Variants in HTT observed in about 807,000 individuals in gnomAD.
HTT encodes huntingtin.
In HTT, 104 loss-of-function variants were observed where a neutral mutation model predicts 362.3. That is an observed-to-expected ratio of 0.29 (90% CI 0.24 to 0.34). HTT has a LOEUF of 0.34. Among genes scored for constraint, HTT ranks in the 10% least tolerant of loss-of-function variants. HTT has a pLI of 1.00. For missense variants in HTT, 3,301 were observed against 3,928.6 expected (o/e 0.84, Z 4.27); for synonymous variants, 1,577 against 1,548.7 (o/e 1.02, Z -0.43).
chr4:3,217,727 T>C (rs996952695), intron 51 of HTT, 38 bp from the exon 52 acceptor site: 2 of 1,567,786 alleles, frequency 1.3e-6, no homozygotes, highest in Non-Finnish European at 1.7e-6. Flanking sequence ...ATAGGATGTG[T>C]TTTTTAAAAA....
chr4:3,099,809 G>T (rs915525847), intron 3 of HTT, among the ~76,000 whole-genome samples: 5 of 150,838 alleles, frequency 3.3e-5, no homozygotes, highest in African/African-American at 9.8e-5. Context: ...ATGCTCTATT[G>T]TATGGTTTGC....
chr4:3,086,670 C>CT (rs753976392), intron 1 of HTT, among the ~76,000 whole-genome samples: 2 of 151,968 alleles, frequency 1.3e-5, no homozygotes, highest in Non-Finnish European at 2.9e-5. Context: ...GATCCTGACT[C>CT]TAAAAAAAAG....
intron 2 of HTT, among the ~76,000 whole-genome samples, chr4:3,094,361 A>G (rs1432828441): frequency 5.9e-5 from 9 of 152,166 alleles, no homozygotes; most frequent in Non-Finnish European, 4.4e-5. Context: ...TTCTTTTCCC[A>G]CATTTCCTCC....
At chr4:3,195,990 G>T (rs1719240795) in intron 40 of HTT, among the ~76,000 whole-genome samples, 1 of 152,162 alleles carries the variant, frequency 6.6e-6, no homozygotes, top group South Asian at 2.1e-4. Flanking sequence ...CTTCCCAGCA[G>T]CAGCACTGTG....
intron 39 of HTT, chr4:3,188,156 G>C (rs1718853340): frequency 3.1e-6 from 1 of 317,582 alleles, no homozygotes; most frequent in Admixed American, 4.6e-5. Context: ...GCAGTGGGGT[G>C]GCTGTCCTGG....
At chr4:3,233,379 G>A in intron 61 of HTT, 26 bp downstream of exon 61, 1 of 1,578,722 alleles carries the variant, frequency 6.3e-7, no homozygotes, top group Non-Finnish European at 8.7e-7. Context: ...GCTGGGGCTG[G>A]GGCGGGGGTC....
Position 3,129,998 on chromosome 4 carries a change from A to G in HTT, c.1818A>G (p.Thr606=). 6.2e-7 allele frequency: 1 copy of G among 1,613,726 alleles called. No homozygotes were observed. Among genetic ancestry groups the G allele is most frequent in the South Asian group, 1.1e-5 (1 of 91,038 alleles). The part of the protein sequence containing the change: ...GQPQDEDEEA[T]GILPDEASEA... The stretch of plus-strand genomic sequence containing the variant: ...CCCAGGATGAAGATGAGGAAGCCAC[A>G]GGTATTCTTCCTGATGAAGCCTCGG... Residue 606 remains threonine, a synonymous_variant, in exon 13 of 67, where the codon ACA becomes ACG. Transcript: ENST00000355072.
At chr4:3,075,647 C>CGGGGGGGGGGGGGGGGG (rs1560535774) in intron 1 of HTT, among the ~76,000 whole-genome samples, 7 of 61,684 alleles carry the variant, frequency 1.1e-4, no homozygotes, top group Non-Finnish European at 1.8e-4. Flanking sequence ...AGTGGCGGGG[C>CGGGGGGGGGGGGGGGGG]AGGGGGGGGG....
chr4:3,130,975 T>C (rs187463337), intron 14 of HTT, among the ~76,000 whole-genome samples: 9 of 152,210 alleles, frequency 5.9e-5, no homozygotes, highest in African/African-American at 2.2e-4. Context: ...AGACCTTTCA[T>C]GCTTTGCTTC....
intron 29 of HTT, among the ~76,000 whole-genome samples, chr4:3,167,866 T>C (rs1192195596): frequency 6.6e-6 from 1 of 152,260 alleles, no homozygotes; most frequent in South Asian, 2.1e-4. Context: ...CTCTGGCCTG[T>C]GTCTTTACAG....
intron 27 of HTT, 143 bp from the exon 28 acceptor site, chr4:3,156,929 C>T: frequency 1.6e-6 from 1 of 629,364 alleles, no homozygotes; most frequent in Non-Finnish European, 2.6e-6. Context: ...CTCATTACTT[C>T]TAGTTAATCA....
At chr4:3,123,202 T>A (rs1241328138) in intron 10 of HTT, 3 of 335,208 alleles carry the variant, frequency 8.9e-6, no homozygotes, top group African/African-American at 6.4e-5. Flanking sequence ...ATGTTCGGGG[T>A]CAGCAGACTT....
intron 6 of HTT, among the ~76,000 whole-genome samples, chr4:3,112,312 A>G (rs1276822147): frequency 6.6e-6 from 1 of 152,176 alleles, no homozygotes; most frequent in Non-Finnish European, 1.5e-5. Flanking sequence ...GACAGAAATC[A>G]TTAGTGTATC....
intron 1 of HTT, among the ~76,000 whole-genome samples, chr4:3,079,580 C>T (rs1001568006): frequency 6.6e-6 from 1 of 152,018 alleles, no homozygotes; most frequent in African/African-American, 2.4e-5. Flanking sequence ...GTGAGGGGGA[C>T]ATTTGTAGTA....
chr4:3,213,095 G>A (rs10030079), intron 49 of HTT: 3,572 of 205,474 alleles, frequency 0.017, 61 homozygotes, highest in Non-Finnish European at 0.026. Context: ...ATGTGTACAC[G>A]TTCTGGATGC....
At chr4:3,226,614 T>C (rs1277559865) in intron 57 of HTT, among the ~76,000 whole-genome samples, 4 of 152,258 alleles carry the variant, frequency 2.6e-5, no homozygotes, top group African/African-American at 9.6e-5. Context: ...TGTCTTTCGC[T>C]CACCGGGTTC....
intron 26 of HTT, 43 bp downstream of exon 26, chr4:3,148,250 C>A: frequency 7.2e-7 from 1 of 1,390,106 alleles, no homozygotes; most frequent in Non-Finnish European, 9.7e-7. Flanking sequence ...GCCTTAATGA[C>A]TATGGGTTTC....
chr4:3,228,776 A>T lies in HTT; in HGVS notation c.7979+31A>T. 6.4e-7 allele frequency: 1 copy of T among 1,564,588 alleles called. No homozygotes were observed. Among genetic ancestry groups the T allele is most frequent in the Middle Eastern group, 1.7e-4 (1 of 5,830 alleles). Reference sequence around the variant, plus strand: ...CCAATGGCCTTTTTCTTTTTAACAGAAATTTGAAATTTCTTATCAGTCATT... The same window carrying T: ...CCAATGGCCTTTTTCTTTTTAACAGTAATTTGAAATTTCTTATCAGTCATT... On this transcript the variant is annotated intron_variant, in intron 58 of 66. Coordinates refer to ENST00000355072, the MANE Select transcript of HTT (RefSeq NM_001388492.1). The surrounding 1 kb of genome is among the most constrained non-coding windows in gnomAD (Gnocchi z 4.3).
In HTT at chr4:3,180,581, C is replaced by T. The variant is rs1718467596; in HGVS notation, c.4679C>T (p.Ala1560Val). The change falls in exon 36 of 67, where the codon GCA (alanine) becomes GTA (valine). Residue 1560 changes from alanine (A) to valine (V), a missense_variant. Ala to Val is a moderately conservative substitution (Grantham distance 64, BLOSUM62 0). This residue lies in a region of HTT where 2,316 missense variants were observed against 2,658.5 expected (regional missense o/e 0.87). Coordinates refer to ENST00000355072, the MANE Select transcript of HTT (RefSeq NM_001388492.1). ...FVLRGTNKAD[A>V]GKELETQKEV... ...TTAAGAGGAACAAATAAAGCTGATG[C>T]AGGAAAAGAGCTTGAAACCCAAAAA... is the stretch of plus-strand genomic sequence containing the variant. 1.9e-6 allele frequency: 3 copies of T among 1,613,290 alleles called. No homozygotes were observed. The highest frequency in any genetic ancestry group is 2.2e-5 in the East Asian group (1 of 44,848).
Sources: gnomAD v4.1 joint callset for allele counts (sites outside exome capture counted in the v4.1 genomes callset) on GRCh38, gnomAD v4.1.1 for gene constraint, gnomAD v4.1.1 regional missense constraint, Gnocchi (gnomAD v3.1) non-coding constraint, MANE v1.5 for transcripts, NCBI Gene and HGNC (gene_info 2026-07-23, HGNC 2026-07-21) for gene names.